RARB: variants seen among roughly 807,000 people sequenced by gnomAD.
The protein encoded by RARB is retinoic acid receptor beta.
Under a neutral mutation model 51.9 loss-of-function variants are expected in RARB, and 17 were observed. That is an observed-to-expected ratio of 0.33 (90% CI 0.22 to 0.49). RARB has a LOEUF of 0.49. Ranked by LOEUF, RARB falls within the 20% of genes least tolerant of loss-of-function variation. RARB has a pLI of 0.99. For synonymous variants in RARB, 215 were observed against 195.4 expected, an observed-to-expected ratio of 1.10 and a Z score of -0.84; for missense variants, 369 against 550.8, an observed-to-expected ratio of 0.67 and a Z score of 3.30.
chr3:25,270,898 CTAATAT>C lies in RARB; in HGVS notation c.178+96326_178+96331del, dbSNP rs1370742828. On this transcript the variant is annotated intron_variant, in intron 5 of 11. Coordinates refer to the RARB transcript ENST00000383772. ...AAACCGCAAATACTTTCGCCCCAAT[CTAATAT>C]TACTGGTAAGTTTTGTGTCGGGGCT... Among the ~76,000 whole-genome samples, 28 of 152,332 alleles carry C rather than the reference CTAATAT, an allele frequency of 1.8e-4. No individual in the cohort carries two copies. The East Asian group carries it at 5.2e-3, about 28-fold the overall frequency.
intron 2 of RARB, among the ~76,000 whole-genome samples, chr3:24,996,837 T>G (rs1023911526): frequency 6.6e-6 from 1 of 151,970 alleles, no homozygotes; most frequent in African/African-American, 2.4e-5. Context: ...TATTTTGGTT[T>G]GTGAAAAAAA....
intron 4 of RARB, among the ~76,000 whole-genome samples, chr3:25,146,763 C>T (rs1200202260): frequency 2.0e-5 from 3 of 152,046 alleles, no homozygotes; most frequent in African/African-American, 7.2e-5. Flanking sequence ...TCATGATCCG[C>T]CCACCTTGGC....
chr3:25,103,485 C>G (rs1699442273), intron 3 of RARB, among the ~76,000 whole-genome samples: 1 of 152,172 alleles, frequency 6.6e-6, no homozygotes, highest in African/African-American at 2.4e-5. Context: ...ATGACTCATT[C>G]ACTGCCTGAA....
chr3:25,496,746 G>C (rs1697053635), intron 2 of RARB, among the ~76,000 whole-genome samples: 1 of 152,226 alleles, frequency 6.6e-6, no homozygotes, highest in Non-Finnish European at 1.5e-5. Context: ...ATCAGTCAGA[G>C]AAGGCTTCCT....
At chr3:25,266,450 G>T (rs68073275) in intron 5 of RARB, among the ~76,000 whole-genome samples, 1 of 151,764 alleles carries the variant, frequency 6.6e-6, no homozygotes, top group African/African-American at 2.4e-5. Context: ...TATATATTAA[G>T]AATATTATAT....
At chr3:24,968,384 T>C (rs1220169195) in intron 2 of RARB, among the ~76,000 whole-genome samples, 1 of 152,134 alleles carries the variant, frequency 6.6e-6, no homozygotes, top group Non-Finnish European at 1.5e-5. Context: ...TAACATACTT[T>C]TCTTTTGGGG....
In RARB at chr3:25,375,557, T is replaced by C. The variant is rs1575353395; in HGVS notation, c.179-85636T>C. On this transcript the variant is annotated intron_variant, in intron 5 of 11. Transcript: ENST00000383772. ...TTGAAGAAGTACTCTTTTACCATTT[T>C]AATGGATAATGGGACTGTATGGGGC... is the stretch of plus-strand genomic sequence containing the variant. Among the ~76,000 whole-genome samples the C allele has an allele frequency of 2.0e-5, 3 of 152,276 alleles. No homozygotes were observed. In the East Asian group the frequency reaches 5.8e-4, roughly 29 times the overall value.
chr3:25,271,382 C>T (rs1703253890), intron 5 of RARB, among the ~76,000 whole-genome samples: 1 of 152,102 alleles, frequency 6.6e-6, no homozygotes, highest in African/African-American at 2.4e-5. Context: ...TCAAGAATCG[C>T]GTCTCAAATG....
In RARB at chr3:25,561,876, A is replaced by G. The variant is rs1023465352; in HGVS notation, c.449-7882A>G. 4.6e-5 allele frequency among the ~76,000 whole-genome samples: 7 copies of G among 152,226 alleles called. No homozygotes were observed. In the East Asian group the frequency reaches 1.3e-3, roughly 29 times the overall value. ...ATGACACAGAGCAAGATACAAGCTT[A>G]TCTGGAACAGTCTGTTGCTGGGAAA... is the stretch of plus-strand genomic sequence containing the variant. On this transcript the variant is annotated intron_variant, in intron 3 of 7. Coordinates refer to ENST00000330688, the MANE Select transcript of RARB (RefSeq NM_000965.5).
At chr3:24,863,224 C>G (rs985196606) in intron 2 of RARB, among the ~76,000 whole-genome samples, 9 of 152,166 alleles carry the variant, frequency 5.9e-5, no homozygotes, top group Non-Finnish European at 1.2e-4. Context: ...ACTAACAGAG[C>G]TTTACAAGGA....
chr3:25,443,329 G>A (rs1194074916), intron 1 of RARB, among the ~76,000 whole-genome samples: 1 of 152,058 alleles, frequency 6.6e-6, no homozygotes, highest in Non-Finnish European at 1.5e-5. Context: ...CTGGGCTACT[G>A]GCACTTACTT....
chr3:24,917,567 G>C (rs1470350361), intron 2 of RARB, among the ~76,000 whole-genome samples: 3 of 152,220 alleles, frequency 2.0e-5, no homozygotes, highest in Non-Finnish European at 4.4e-5. Flanking sequence ...GGCTTGCTCT[G>C]TCACCCAGAC....
intron 1 of RARB, among the ~76,000 whole-genome samples, chr3:24,841,661 C>A (rs555849976): frequency 6.6e-6 from 1 of 152,272 alleles, no homozygotes; most frequent in Admixed American, 6.5e-5. Context: ...TCCTAATAGT[C>A]TTTTAAAAAT....
intron 2 of RARB, among the ~76,000 whole-genome samples, chr3:24,867,111 G>C (rs371494333): frequency 6.6e-6 from 1 of 152,094 alleles, no homozygotes; most frequent in East Asian, 1.9e-4. Context: ...AATTGGGGAA[G>C]TTTATATTTT....
At chr3:25,064,203 T>C (rs372031590) in intron 3 of RARB, among the ~76,000 whole-genome samples, 1 of 152,142 alleles carries the variant, frequency 6.6e-6, no homozygotes, top group Non-Finnish European at 1.5e-5. Context: ...GATTTCATTA[T>C]AAGATTGCCA....
chr3:25,032,363 TAGC>T (rs757110726), intron 2 of RARB, among the ~76,000 whole-genome samples: 56 of 152,294 alleles, frequency 3.7e-4, no homozygotes, highest in Non-Finnish European at 6.2e-4. Flanking sequence ...CTATGAAAAT[TAGC>T]AGCAGCACTT....
chr3:25,192,782 G>A (rs78016298), intron 5 of RARB, among the ~76,000 whole-genome samples: 2,075 of 152,046 alleles, frequency 0.014, 25 homozygotes, highest in Middle Eastern at 0.044. Context: ...GTCACCCATC[G>A]AAAAACACAA....
At chr3:25,144,605 A>G (rs1000613148) in intron 4 of RARB, among the ~76,000 whole-genome samples, 2 of 152,248 alleles carry the variant, frequency 1.3e-5, no homozygotes, top group Non-Finnish European at 2.9e-5. Context: ...ATACCTGGGT[A>G]GTTGGCATAG....
At chr3:25,060,585 GA>G (rs1393576344) in intron 3 of RARB, among the ~76,000 whole-genome samples, 1 of 151,842 alleles carries the variant, frequency 6.6e-6, no homozygotes, top group East Asian at 1.9e-4. Context: ...CCAATAAAAT[GA>G]GATTTATAAA....
Sources: allele counts gnomAD v4.1 joint callset (sites outside exome capture counted in the v4.1 genomes callset), GRCh38; gene constraint gnomAD v4.1.1; transcripts MANE v1.5; gene names NCBI Gene and HGNC (gene_info 2026-07-23, HGNC 2026-07-21).